LGR4: variants seen among roughly 807,000 people sequenced by gnomAD.
LGR4 encodes the protein leucine-rich repeat-containing G protein-coupled receptor 4.
Under a neutral mutation model 84.8 loss-of-function variants are expected in LGR4, and 44 were observed. The observed-to-expected ratio is 0.52, with a 90% CI of 0.41 to 0.67. The LOEUF (loss-of-function observed/expected upper bound fraction) is 0.67, where lower values mean the gene tolerates loss of function less well. LGR4 is among the 30% of genes least tolerant of loss of function. The pLI is 0.00. For missense variants in LGR4, 1,032 were observed against 1,131.4 expected (o/e 0.91, Z 1.26); for synonymous variants, 429 against 434.3 (o/e 0.99, Z 0.15).
intron 1 of LGR4, among the ~76,000 whole-genome samples, chr11:27,446,594 A>C (rs1864394589): frequency 6.6e-6 from 1 of 152,236 alleles, no homozygotes; most frequent in Admixed American, 6.5e-5. Context: ...GTGGGACTGT[A>C]AACTAGTTCA....
At chr11:27,371,766 C>T in intron 16 of LGR4, 68 bp from the exon 17 acceptor site, 2 of 1,167,422 alleles carry the variant, frequency 1.7e-6, no homozygotes, top group Non-Finnish European at 2.5e-6. Context: ...TATTTTCCTG[C>T]AATTTTCTCT....
intron 1 of LGR4, among the ~76,000 whole-genome samples, chr11:27,422,503 T>C (rs1338953419): frequency 1.3e-5 from 2 of 152,184 alleles, no homozygotes; most frequent in Non-Finnish European, 2.9e-5. Flanking sequence ...CCAGAATGCA[T>C]CAAATGTTGT....
intron 1 of LGR4, among the ~76,000 whole-genome samples, chr11:27,431,548 C>T (rs1864116296): frequency 6.6e-6 from 1 of 152,230 alleles, no homozygotes; most frequent in South Asian, 2.1e-4. Context: ...GCTATGTAAA[C>T]ACCATGGACG....
intron 2 of LGR4, among the ~76,000 whole-genome samples, chr11:27,408,474 C>T (rs1032260462): frequency 7.9e-5 from 12 of 152,104 alleles, no homozygotes; most frequent in African/African-American, 2.7e-4. Flanking sequence ...GTAACAGCCA[C>T]AGCAATTTTT....
intron 2 of LGR4, among the ~76,000 whole-genome samples, chr11:27,405,960 T>TTAAA (rs1366604989): frequency 1.3e-5 from 2 of 152,158 alleles, no homozygotes; most frequent in African/African-American, 4.8e-5. Flanking sequence ...ACTCAAGAGT[T>TTAAA]TAAAGTCTGT....
In LGR4 at chr11:27,382,186, A is replaced by G. The variant is rs1432977997; in HGVS notation, c.758+2T>C. On this transcript the variant is annotated splice_donor_variant, in intron 7 of 17. Transcript: ENST00000379214. LOFTEE classifies it high-confidence loss of function. ...ACATAAAGAGAATGAAGCAATACTC[A>G]CAGCTCTTTAAGGCTAGGAAGGGCT... The G allele has an allele frequency of 6.3e-7, 1 of 1,586,938 alleles. No individual in the cohort carries two copies. The highest frequency in any genetic ancestry group is 8.6e-7 in the Non-Finnish European group (1 of 1,156,242).
At chr11:27,402,929 C>A (rs576681159) in intron 2 of LGR4, among the ~76,000 whole-genome samples, 1 of 152,134 alleles carries the variant, frequency 6.6e-6, no homozygotes, top group African/African-American at 2.4e-5. Flanking sequence ...TCAGGGCCTA[C>A]GTCTCTGCTA....
chr11:27,368,847 C>G lies in LGR4; in HGVS notation c.1876G>C (p.Val626Leu), dbSNP rs745376796. 6.2e-7 allele frequency: 1 copy of G among 1,614,112 alleles called. No individual in the cohort carries two copies. Among genetic ancestry groups the G allele is most frequent in the South Asian group, 1.1e-5 (1 of 91,080 alleles). The change falls in exon 18 of 18, where the codon GTT (valine) becomes CTT (leucine). Residue 626 changes from valine (V) to leucine (L), a missense_variant. Physicochemically the swap from Val to Leu is conservative, Grantham distance 32 (BLOSUM62 1). Coordinates refer to ENST00000379214, the MANE Select transcript of LGR4 (RefSeq NM_018490.5). ...AATATGGCACTTTCTGAGGAGAAAACTGCAAGAAACCCAGCTACTTTGCAG... is the reference window on the plus strand; with the variant it reads ...AATATGGCACTTTCTGAGGAGAAAAGTGCAAGAAACCCAGCTACTTTGCAG... ...SGCKVAGFLAVFSSESAIFLL... is the reference protein window; with the variant it reads ...SGCKVAGFLALFSSESAIFLL...
intron 4 of LGR4, among the ~76,000 whole-genome samples, chr11:27,389,832 C>A (rs1268524057): frequency 1.3e-5 from 2 of 152,100 alleles, no homozygotes; most frequent in Non-Finnish European, 2.9e-5. Context: ...TATAAGGGAA[C>A]TCATTCCCAT....
intron 2 of LGR4, among the ~76,000 whole-genome samples, chr11:27,407,905 T>C (rs1335094896): frequency 6.6e-6 from 1 of 152,110 alleles, no homozygotes; most frequent in East Asian, 1.9e-4. Context: ...TTTGTATGTG[T>C]GTGGAAAGAA....
intron 1 of LGR4, among the ~76,000 whole-genome samples, chr11:27,418,184 T>A (rs534795821): frequency 6.6e-6 from 1 of 152,384 alleles, no homozygotes; most frequent in Admixed American, 6.5e-5. Flanking sequence ...CTTAACTTGC[T>A]ATTACTGTTT....
Position 27,458,739 on chromosome 11 carries a change from A to T in LGR4, c.185+13379T>A, listed in dbSNP as rs1009999941. 3.3e-5 allele frequency among the ~76,000 whole-genome samples: 5 copies of T among 152,160 alleles called. No homozygotes were observed. In the South Asian group the frequency reaches 1.0e-3, roughly 32 times the overall value. ...TTTTTAGTAGAGACGGGGTTTCACCATGTTGGCCAGGCTGGTCTCGAACTC... is the reference window on the plus strand; with the variant it reads ...TTTTTAGTAGAGACGGGGTTTCACCTTGTTGGCCAGGCTGGTCTCGAACTC... On this transcript the variant is annotated intron_variant, in intron 1 of 17. Coordinates refer to ENST00000379214, the MANE Select transcript of LGR4 (RefSeq NM_018490.5).
chr11:27,369,058 G>A lies in LGR4; in HGVS notation c.1665C>T (p.Phe555=). ...VWFIFLVALF[F]NLLVILTTFA... ...ATGTTGTTAAAATAACAAGCAGGTT[G>A]AAAAATAATGCAACCAAGAAAATGA... Residue 555 remains phenylalanine (F), a synonymous_variant, in exon 18 of 18, where the codon TTC becomes TTT. Coordinates refer to ENST00000379214, the MANE Select transcript of LGR4 (RefSeq NM_018490.5). 6.2e-7 allele frequency: 1 copy of A among 1,613,822 alleles called. No individual in the cohort carries two copies. The highest frequency in any genetic ancestry group is 8.5e-7 in the Non-Finnish European group (1 of 1,179,910).
At chr11:27,412,313 T>G (rs1290312722) in intron 2 of LGR4, among the ~76,000 whole-genome samples, 1 of 152,176 alleles carries the variant, frequency 6.6e-6, no homozygotes, top group Non-Finnish European at 1.5e-5. Context: ...TCACCCCATT[T>G]CCAAAGGTCA....
rs1401557837 is a variant in LGR4 at position 27,380,293 on chromosome 11, C to G, written c.949G>C (p.Gly317Arg). ...SMVQQFPNLT[G>R]TVHLESLTLT... ...TACAGACTTTCCAGGTGGACAGTTC[C>G]TGTAAGATTGGGGAACTGCTGCACC... Residue 317 changes from glycine (G) to arginine (R), a missense_variant, in exon 10 of 18, where the codon GGA becomes CGA. Gly to Arg is a moderately radical substitution (Grantham distance 125, BLOSUM62 -2). Transcript: ENST00000379214. 3 of 1,611,012 alleles carry G rather than the reference C, an allele frequency of 1.9e-6. No individual in the cohort carries two copies. The Admixed American group carries it at 5.0e-5, about 27-fold the overall frequency.
intron 1 of LGR4, among the ~76,000 whole-genome samples, chr11:27,453,441 C>T (rs1864520072): frequency 6.6e-6 from 1 of 151,866 alleles, no homozygotes. Context: ...GACTAATTAT[C>T]TTAATATCTA....
intron 1 of LGR4, among the ~76,000 whole-genome samples, chr11:27,447,546 C>T (rs1289096725): frequency 6.6e-5 from 10 of 152,182 alleles, no homozygotes; most frequent in Non-Finnish European, 1.0e-4. Flanking sequence ...AAATAATCCA[C>T]ACTTTGTTTA....
At chr11:27,454,544 G>A (rs190488613) in intron 1 of LGR4, among the ~76,000 whole-genome samples, 1 of 152,254 alleles carries the variant, frequency 6.6e-6, no homozygotes, top group Non-Finnish European at 1.5e-5. Context: ...TAGATTGCCT[G>A]AGGTCAGGAG....
chr11:27,409,599 C>T (rs1466725652), intron 2 of LGR4, among the ~76,000 whole-genome samples: 2 of 152,082 alleles, frequency 1.3e-5, no homozygotes, highest in Non-Finnish European at 2.9e-5. Flanking sequence ...AATTAAACTC[C>T]TTCAGAACAA....
Sources: allele counts gnomAD v4.1 joint callset (sites outside exome capture counted in the v4.1 genomes callset), GRCh38; gene constraint gnomAD v4.1.1; transcripts MANE v1.5; gene names NCBI Gene and HGNC (gene_info 2026-07-23, HGNC 2026-07-21).